Variants in PTPN4 observed in about 807,000 individuals in gnomAD.
PTPN4 encodes tyrosine-protein phosphatase non-receptor type 4.
Under a neutral mutation model 135.5 loss-of-function variants are expected in PTPN4, and 49 were observed. The ratio of observed to expected loss-of-function variants is 0.36; its 90% CI spans 0.29 to 0.46. The LOEUF is 0.46. PTPN4 is among the 20% of genes least tolerant of loss of function. The pLI is 1.00. For synonymous variants in PTPN4, 333 were observed against 369.9 expected, an observed-to-expected ratio of 0.90 and a Z score of 1.14; for missense variants, 860 against 1,101.0, an observed-to-expected ratio of 0.78 and a Z score of 3.10.
chr2:119,865,675 G>A (rs1677823908), intron 3 of PTPN4, among the ~76,000 whole-genome samples: 2 of 151,858 alleles, frequency 1.3e-5, no homozygotes, highest in African/African-American at 4.8e-5. Flanking sequence ...GATTCTACAA[G>A]AATTAATTCT....
intron 15 of PTPN4, among the ~76,000 whole-genome samples, chr2:119,943,844 G>A (rs182906969): frequency 4.0e-5 from 6 of 151,640 alleles, no homozygotes; most frequent in East Asian, 1.9e-4. Flanking sequence ...CGCCCACCCC[G>A]GCCTCCCAAA....
chr2:119,970,306 C>T (rs879421407), intron 26 of PTPN4, among the ~76,000 whole-genome samples: 4 of 152,008 alleles, frequency 2.6e-5, no homozygotes, highest in Non-Finnish European at 4.4e-5. Flanking sequence ...GTGATCCACC[C>T]GCCTTGGCCT....
At chr2:119,854,515 T>G (rs1227346278) in intron 2 of PTPN4, among the ~76,000 whole-genome samples, 1 of 152,104 alleles carries the variant, frequency 6.6e-6, no homozygotes, top group African/African-American at 2.4e-5. Flanking sequence ...TCTGGCCACT[T>G]CCTGCTGAAA....
intron 2 of PTPN4, among the ~76,000 whole-genome samples, chr2:119,820,510 C>T (rs1481346883): frequency 6.6e-6 from 1 of 152,184 alleles, no homozygotes; most frequent in African/African-American, 2.4e-5. Flanking sequence ...ATTCAAGAAT[C>T]CCCCAAGGAA....
At chr2:119,959,340 T>A (rs1186446385) in intron 22 of PTPN4, among the ~76,000 whole-genome samples, 1 of 151,920 alleles carries the variant, frequency 6.6e-6, no homozygotes, top group Non-Finnish European at 1.5e-5. Flanking sequence ...AAAAGAAAAG[T>A]GCAAATGAAA....
At chr2:119,961,191 G>T (rs1272756358) in intron 23 of PTPN4, among the ~76,000 whole-genome samples, 4 of 148,734 alleles carry the variant, frequency 2.7e-5, no homozygotes, top group Admixed American at 1.4e-4. Flanking sequence ...ATATACATTT[G>T]TTAAGGGTCT....
intron 1 of PTPN4, among the ~76,000 whole-genome samples, chr2:119,799,497 CA>C (rs1290604210): frequency 2.0e-5 from 3 of 152,158 alleles, no homozygotes; most frequent in Admixed American, 2.0e-4. Flanking sequence ...AAATACTAGA[CA>C]TGGTAATTTG....
intron 9 of PTPN4, among the ~76,000 whole-genome samples, chr2:119,890,384 A>G (rs1678224053): frequency 6.7e-6 from 1 of 149,918 alleles, no homozygotes. Context: ...CCATCCCTTT[A>G]TTTTCAGTCT....
intron 2 of PTPN4, among the ~76,000 whole-genome samples, chr2:119,824,036 G>GC (rs1436380319): frequency 6.6e-6 from 1 of 152,088 alleles, no homozygotes; most frequent in Non-Finnish European, 1.5e-5. Context: ...CCAAATTCCC[G>GC]CTAGACTTCC....
At chr2:119,916,701 C>T (rs1678659001) in intron 11 of PTPN4, 1 of 152,122 alleles carries the variant, frequency 6.6e-6, no homozygotes, top group Admixed American at 6.5e-5. Context: ...GTAAACATTA[C>T]TCTCATTTGT....
intron 10 of PTPN4, among the ~76,000 whole-genome samples, chr2:119,903,946 C>CA (rs377427162): frequency 2.0e-5 from 3 of 152,312 alleles, no homozygotes; most frequent in African/African-American, 7.2e-5. Context: ...TATGCTACTG[C>CA]ACCCATCCAG....
intron 2 of PTPN4, among the ~76,000 whole-genome samples, chr2:119,813,413 A>C (rs1483242715): frequency 6.6e-6 from 1 of 151,678 alleles, no homozygotes; most frequent in African/African-American, 2.4e-5. Flanking sequence ...ATGCCTGGTT[A>C]ATTTTGTGTT....
At chr2:119,781,092 C>G (rs1690927663) in intron 1 of PTPN4, among the ~76,000 whole-genome samples, 1 of 152,092 alleles carries the variant, frequency 6.6e-6, no homozygotes, top group South Asian at 2.1e-4. Flanking sequence ...ATAGGAGTTT[C>G]TTTAAACTGC....
At chr2:119,965,402 C>T (rs1243191593) in intron 24 of PTPN4, 95 bp from the exon 25 acceptor site, 5 of 1,203,718 alleles carry the variant, frequency 4.2e-6, no homozygotes, top group Admixed American at 2.7e-5. Flanking sequence ...TTTTCTATCT[C>T]CCCCTCCCTT....
intron 2 of PTPN4, among the ~76,000 whole-genome samples, chr2:119,848,570 T>C (rs187240411): frequency 6.6e-6 from 1 of 152,016 alleles, no homozygotes; most frequent in East Asian, 1.9e-4. Flanking sequence ...TAATGGTGCT[T>C]GCATATCTCT....
intron 2 of PTPN4, among the ~76,000 whole-genome samples, chr2:119,844,338 G>A (rs1172804199): frequency 1.5e-5 from 1 of 66,364 alleles, no homozygotes; most frequent in East Asian, 3.9e-4. Flanking sequence ...GGCTGGCCGG[G>A]CGGGGGGCTG....
intron 8 of PTPN4, among the ~76,000 whole-genome samples, chr2:119,884,504 T>G (rs1678126838): frequency 6.6e-6 from 1 of 152,200 alleles, no homozygotes; most frequent in Non-Finnish European, 1.5e-5. Flanking sequence ...AATAGACTAA[T>G]GACTGAGTTT....
chr2:119,855,261 G>A (rs527650739), intron 2 of PTPN4, among the ~76,000 whole-genome samples: 1 of 152,240 alleles, frequency 6.6e-6, no homozygotes, highest in South Asian at 2.1e-4. Context: ...AGATAATGCA[G>A]TTTCCAGAAA....
intron 2 of PTPN4, among the ~76,000 whole-genome samples, chr2:119,855,032 T>A (rs182738182): frequency 6.6e-6 from 1 of 152,312 alleles, no homozygotes; most frequent in East Asian, 1.9e-4. Flanking sequence ...CACTTAGAGT[T>A]GCTTTCCATC....
Sources: gnomAD v4.1 joint callset for allele counts (sites outside exome capture counted in the v4.1 genomes callset) on GRCh38, gnomAD v4.1.1 for gene constraint, MANE v1.5 for transcripts, NCBI Gene and HGNC (gene_info 2026-07-23, HGNC 2026-07-21) for gene names.